The following SLF1 variants were observed in gnomAD, a reference collection of about 807,000 sequenced individuals.
The protein encoded by SLF1 is SMC5-SMC6 complex localization factor protein 1.
Under a neutral mutation model 123.0 loss-of-function variants are expected in SLF1, and 105 were observed. That is an observed-to-expected ratio of 0.85 (90% CI 0.73 to 1.00). The LOEUF is 1.00. Among genes scored for constraint, SLF1 ranks in the 50% least tolerant of loss-of-function variants. The pLI, the probability that SLF1 is intolerant of heterozygous loss-of-function variation, is 0.00. For synonymous variants in SLF1, 434 were observed against 406.6 expected (o/e 1.07, Z -0.81); for missense variants, 1,239 against 1,223.0 (o/e 1.01, Z -0.20).
intron 11 of SLF1, among the ~76,000 whole-genome samples, chr5:94,664,336 C>G (rs1749498379): frequency 6.6e-6 from 1 of 152,158 alleles, no homozygotes; most frequent in African/African-American, 2.4e-5. Flanking sequence ...TCTCTGTTGT[C>G]CAGGCTGGAC....
intron 13 of SLF1, 32 bp downstream of exon 13, chr5:94,670,311 T>G: frequency 7.1e-7 from 1 of 1,416,852 alleles, no homozygotes; most frequent in Non-Finnish European, 9.2e-7. Context: ...AACACTTTTC[T>G]AAATTTTGGT....
At position 94,695,420 on chromosome 5, in the gene SLF1, C is replaced by T; in HGVS notation, c.*108C>T. ...GATAGTAATTTGATTTATTTATTGA[C>T]AGACTTTGCAGCCTTGCTAAATTTT... On this transcript the variant is annotated 3_prime_UTR_variant, in exon 21 of 21. Coordinates refer to ENST00000265140, the MANE Select transcript of SLF1 (RefSeq NM_032290.4). 1 of 1,285,514 alleles carries T rather than the reference C, an allele frequency of 7.8e-7. No individual in the cohort carries two copies. The highest frequency in any genetic ancestry group is 1.0e-6 in the Non-Finnish European group (1 of 980,330). 79.6% of individuals were successfully genotyped at this position (1,285,514 alleles called of 1,614,324 possible). A position where few individuals can be genotyped will look rare whatever the true frequency, so the allele number is the denominator to read the frequency against.
intron 20 of SLF1, among the ~76,000 whole-genome samples, chr5:94,694,012 G>T (rs1207749452): frequency 6.6e-6 from 1 of 151,726 alleles, no homozygotes; most frequent in Non-Finnish European, 1.5e-5. Context: ...TGTTATAATT[G>T]TAGGACCTAG....
intron 14 of SLF1, among the ~76,000 whole-genome samples, chr5:94,673,691 TAAAA>T (rs35649653): frequency 4.2e-5 from 5 of 119,722 alleles, no homozygotes; most frequent in South Asian, 2.8e-4. Context: ...CCTTGTCTCT[TAAAA>T]AAAAAAAAAA....
At chr5:94,660,836 G>C (rs1424346199) in intron 9 of SLF1, among the ~76,000 whole-genome samples, 1 of 152,202 alleles carries the variant, frequency 6.6e-6, no homozygotes, top group Non-Finnish European at 1.5e-5. Flanking sequence ...GTGGCTCTCA[G>C]GATCTGAGGA....
chr5:94,640,928 G>A (rs1746368849), intron 4 of SLF1, among the ~76,000 whole-genome samples: 1 of 152,064 alleles, frequency 6.6e-6, no homozygotes, highest in South Asian at 2.1e-4. Flanking sequence ...TCAACATGTG[G>A]GTCATATTTC....
At chr5:94,665,744 C>T (rs1341711616) in intron 11 of SLF1, 117 bp from the exon 12 acceptor site, 2 of 929,534 alleles carry the variant, frequency 2.2e-6, no homozygotes, top group Non-Finnish European at 3.1e-6. Context: ...CAGAGCCAGA[C>T]TCCGTCTCAA....
In SLF1 at chr5:94,643,383, A is replaced by C; in HGVS notation, c.542A>C (p.Asn181Thr). 6.5e-7 allele frequency: 1 copy of C among 1,540,408 alleles called. No individual in the cohort carries two copies. Among genetic ancestry groups the C allele is most frequent in the South Asian group, 1.2e-5 (1 of 82,608 alleles). Reference sequence around the variant, plus strand: ...ATTAAAGCTGAGAAAGAAAAAGATAACTTTAAGGCTCCATTTTATCCAATT... The same window carrying C: ...ATTAAAGCTGAGAAAGAAAAAGATACCTTTAAGGCTCCATTTTATCCAATT... ...ARIKAEKEKD[N>T]FKAPFYPIQY... is the part of the protein sequence containing the mutation. Residue 181 changes from asparagine to threonine, a missense_variant, in exon 5 of 21, where the codon AAC becomes ACC. Coordinates refer to ENST00000265140, the MANE Select transcript of SLF1 (RefSeq NM_032290.4).
chr5:94,643,186 T>A, intron 4 of SLF1, 87 bp from the exon 5 acceptor site: 1 of 1,081,564 alleles, frequency 9.2e-7, no homozygotes, highest in Non-Finnish European at 1.3e-6. Context: ...AGTCCATTCG[T>A]ACTCCTAAGA....
intron 4 of SLF1, among the ~76,000 whole-genome samples, chr5:94,641,657 A>G (rs913751784): frequency 6.6e-6 from 1 of 152,196 alleles, no homozygotes; most frequent in Non-Finnish European, 1.5e-5. Flanking sequence ...ACTAGGTCAT[A>G]GAAGGTGTCT....
At chr5:94,633,023 T>C (rs2152468300) in intron 4 of SLF1, among the ~76,000 whole-genome samples, 1 of 151,684 alleles carries the variant, frequency 6.6e-6, no homozygotes, top group Non-Finnish European at 1.5e-5. Context: ...AGCGTTTTGC[T>C]CTTGTTGCCC....
chr5:94,630,364 G>A (rs1745070791), intron 3 of SLF1, 139 bp from the exon 4 acceptor site: 1 of 993,152 alleles, frequency 1.0e-6, no homozygotes, highest in Non-Finnish European at 1.4e-6. Flanking sequence ...TCCCCAAAAT[G>A]CATAGTTCAA....
At chr5:94,659,144 T>G (rs1748764084) in intron 9 of SLF1, among the ~76,000 whole-genome samples, 1 of 151,268 alleles carries the variant, frequency 6.6e-6, no homozygotes, top group Admixed American at 6.6e-5. Context: ...TTATATATTT[T>G]TTTTCATTCA....
intron 4 of SLF1, among the ~76,000 whole-genome samples, chr5:94,633,886 G>C (rs1392686871): frequency 6.6e-6 from 1 of 152,002 alleles, no homozygotes; most frequent in African/African-American, 2.4e-5. Flanking sequence ...GGCTTAATTT[G>C]CTTTCGTTAT....
chr5:94,684,993 A>T (rs943181852), intron 15 of SLF1, among the ~76,000 whole-genome samples: 13 of 152,244 alleles, frequency 8.5e-5, no homozygotes, highest in African/African-American at 3.1e-4. Flanking sequence ...GCCTTTGCCC[A>T]CTAGATGCCA....
At chr5:94,676,290 T>A (rs1751051271) in intron 14 of SLF1, among the ~76,000 whole-genome samples, 2 of 152,118 alleles carry the variant, frequency 1.3e-5, no homozygotes, top group Non-Finnish European at 2.9e-5. Flanking sequence ...TTGCTCAGAG[T>A]GATCAAGCAA....
At chr5:94,669,675 G>T (rs1205022516) in intron 12 of SLF1, among the ~76,000 whole-genome samples, 5 of 148,126 alleles carry the variant, frequency 3.4e-5, no homozygotes, top group Admixed American at 6.8e-5. Context: ...AAGACAGAAA[G>T]AAAATAAAAT....
chr5:94,689,497 CT>C lies in SLF1; in HGVS notation c.2311del (p.Ser771HisfsTer3). The C allele has an allele frequency of 6.2e-7, 1 of 1,611,150 alleles. No homozygotes were observed. The highest frequency in any genetic ancestry group is 8.5e-7 in the Non-Finnish European group (1 of 1,178,424). On this transcript the variant is annotated frameshift_variant, in exon 18 of 21. Coordinates refer to ENST00000265140, the MANE Select transcript of SLF1 (RefSeq NM_032290.4). LOFTEE classifies it high-confidence loss of function. Reference protein sequence around the residue: ...LLDLNLAKCSSSLKKLKKKSE... With the variant: ...LLDLNLAKCSXSLKKLKKKSE... ...GAGACCTGAACCTTGCTAAATGTTC[CT>C]CATCATTAAAAAAATTGAAAAAGAA... is the stretch of plus-strand genomic sequence containing the variant.
chr5:94,655,357 G>A (rs2152481308), intron 9 of SLF1, among the ~76,000 whole-genome samples: 1 of 152,280 alleles, frequency 6.6e-6, no homozygotes, highest in South Asian at 2.1e-4. Flanking sequence ...TTGAAGTCAA[G>A]TAGTGTGTGC....
Sources: allele counts gnomAD v4.1 joint callset (sites outside exome capture counted in the v4.1 genomes callset), GRCh38; gene constraint gnomAD v4.1.1; transcripts MANE v1.5; gene names NCBI Gene and HGNC (gene_info 2026-07-23, HGNC 2026-07-21).